The following GPC5 variants were observed in gnomAD, a reference collection of about 807,000 sequenced individuals.
GPC5 encodes glypican 5, also known as glypican-5.
Under a neutral mutation model 53.9 loss-of-function variants are expected in GPC5, and 47 were observed. That is an observed-to-expected ratio of 0.87 (90% CI 0.69 to 1.11). GPC5 has a LOEUF of 1.11. GPC5 is among the 50% of genes most tolerant of loss of function. GPC5 has a pLI of 0.00. For synonymous variants in GPC5, 286 were observed against 263.3 expected, an observed-to-expected ratio of 1.09 and a Z score of -0.84; for missense variants, 748 against 713.1, an observed-to-expected ratio of 1.05 and a Z score of -0.56.
At chr13:91,722,278 C>T (rs2036490335) in intron 3 of GPC5, among the ~76,000 whole-genome samples, 1 of 152,138 alleles carries the variant, frequency 6.6e-6, no homozygotes, top group Non-Finnish European at 1.5e-5. Context: ...GGTTGGTTTT[C>T]CATTTCTTAT....
chr13:92,360,408 C>A (rs932099233), intron 7 of GPC5, among the ~76,000 whole-genome samples: 1 of 151,624 alleles, frequency 6.6e-6, no homozygotes, highest in East Asian at 1.9e-4. Context: ...CCATAAAAGG[C>A]TTTTGATAGA....
At chr13:91,623,159 A>G (rs1430636166) in intron 2 of GPC5, among the ~76,000 whole-genome samples, 1 of 152,146 alleles carries the variant, frequency 6.6e-6, no homozygotes, top group Non-Finnish European at 1.5e-5. Flanking sequence ...AGGAATAGCT[A>G]TTATTTTAAT....
intron 7 of GPC5, among the ~76,000 whole-genome samples, chr13:92,506,438 T>A (rs1880371667): frequency 6.6e-6 from 1 of 152,140 alleles, no homozygotes; most frequent in Non-Finnish European, 1.5e-5. Flanking sequence ...AAATATTTTT[T>A]AAATAATAAT....
At chr13:92,685,127 G>A (rs148178754) in intron 7 of GPC5, among the ~76,000 whole-genome samples, 276 of 142,858 alleles carry the variant, frequency 1.9e-3, no homozygotes, top group African/African-American at 6.6e-3. Flanking sequence ...GTCTCACTCT[G>A]TCACCCATGC....
chr13:91,750,812 G>A (rs183303163), intron 4 of GPC5, among the ~76,000 whole-genome samples: 86 of 151,170 alleles, frequency 5.7e-4, no homozygotes, highest in African/African-American at 1.1e-3. Context: ...ACAGGCCTGC[G>A]CCACCATGCC....
At chr13:91,508,919 A>G (rs1885089471) in intron 2 of GPC5, among the ~76,000 whole-genome samples, 1 of 152,170 alleles carries the variant, frequency 6.6e-6, no homozygotes, top group African/African-American at 2.4e-5. Context: ...AGGTTAGAAA[A>G]CAGCAGAGCT....
chr13:92,611,841 G>A (rs1884448361), intron 7 of GPC5, among the ~76,000 whole-genome samples: 1 of 152,082 alleles, frequency 6.6e-6, no homozygotes. Flanking sequence ...TTATAGCAGT[G>A]TATAAAACAG....
At chr13:91,408,314 G>A (rs757030227) in intron 1 of GPC5, among the ~76,000 whole-genome samples, 20 of 152,200 alleles carry the variant, frequency 1.3e-4, no homozygotes, top group Admixed American at 1.3e-4. Flanking sequence ...TGTGGTATTT[G>A]TCTTTTTGTG....
At chr13:91,913,979 A>T (rs2139006479) in intron 6 of GPC5, among the ~76,000 whole-genome samples, 1 of 152,290 alleles carries the variant, frequency 6.6e-6, no homozygotes, top group African/African-American at 2.4e-5. Context: ...CACTTGGTTG[A>T]TCTTAGTATA....
chr13:92,829,843 G>C (rs1374806055), intron 7 of GPC5, among the ~76,000 whole-genome samples: 1 of 151,972 alleles, frequency 6.6e-6, no homozygotes, highest in African/African-American at 2.4e-5. Context: ...AAAGAAAACT[G>C]CCAAAAGTAG....
chr13:92,040,182 A>G (rs888707514), intron 6 of GPC5, among the ~76,000 whole-genome samples: 2 of 152,190 alleles, frequency 1.3e-5, no homozygotes, highest in Non-Finnish European at 2.9e-5. Context: ...GGGGAAAAAA[A>G]TCAATTCCTA....
At chr13:92,484,472 A>T (rs1231973962) in intron 7 of GPC5, 2 of 152,196 alleles carry the variant, frequency 1.3e-5, no homozygotes, top group Admixed American at 1.3e-4. Flanking sequence ...ATATTTGGTT[A>T]TGCATACTAT....
chr13:92,774,314 G>A (rs1875718548), intron 7 of GPC5, among the ~76,000 whole-genome samples: 1 of 152,088 alleles, frequency 6.6e-6, no homozygotes, highest in African/African-American at 2.4e-5. Flanking sequence ...TTTATACATA[G>A]CACCTTTCAT....
intron 6 of GPC5, among the ~76,000 whole-genome samples, chr13:91,993,256 C>T (rs1401335269): frequency 6.6e-6 from 1 of 152,154 alleles, no homozygotes; most frequent in Non-Finnish European, 1.5e-5. Context: ...CTTTTCAGGC[C>T]TCAAATCCTC....
At position 92,758,481 on chromosome 13, in the gene GPC5, T is replaced by TA. The variant is rs567527262; in HGVS notation, c.1562-107793dup. On this transcript the variant is annotated intron_variant, in intron 7 of 7. Coordinates refer to ENST00000377067, the MANE Select transcript of GPC5 (RefSeq NM_004466.6). ...CCTAAAACTTAAAGTATAATAATAA[T>TA]AAAAAAAAGAATATTTTCTGTTATA... Among the ~76,000 whole-genome samples, 317 of 151,604 alleles carry TA rather than the reference T, an allele frequency of 2.1e-3. 1 individual carries two copies. The highest frequency in any genetic ancestry group is 7.4e-3 in the African/African-American group (305 of 41,366).
chr13:92,594,786 C>T (rs1883816410), intron 7 of GPC5, among the ~76,000 whole-genome samples: 1 of 152,180 alleles, frequency 6.6e-6, no homozygotes, highest in Admixed American at 6.5e-5. Context: ...CTACTTCCAA[C>T]CTGAAATTGA....
At chr13:92,521,835 C>T (rs542983383) in intron 7 of GPC5, among the ~76,000 whole-genome samples, 1 of 152,248 alleles carries the variant, frequency 6.6e-6, no homozygotes, top group Non-Finnish European at 1.5e-5. Context: ...TCAGAGTGAA[C>T]AGGCAACTTA....
chr13:91,725,625 G>C (rs968170629), intron 3 of GPC5, among the ~76,000 whole-genome samples: 1 of 152,100 alleles, frequency 6.6e-6, no homozygotes, highest in African/African-American at 2.4e-5. Flanking sequence ...TCTATGGCTA[G>C]AGCATTTTCT....
At chr13:92,062,101 A>G (rs1411248966) in intron 6 of GPC5, among the ~76,000 whole-genome samples, 1 of 151,924 alleles carries the variant, frequency 6.6e-6, no homozygotes, top group Non-Finnish European at 1.5e-5. Context: ...ATGTCAAAGA[A>G]AGAAAAAGAT....
Sources: allele counts gnomAD v4.1 joint callset (sites outside exome capture counted in the v4.1 genomes callset), GRCh38; gene constraint gnomAD v4.1.1; transcripts MANE v1.5; gene names NCBI Gene and HGNC (gene_info 2026-07-23, HGNC 2026-07-21).